Variants in GRIK3 observed in about 807,000 individuals in gnomAD.
GRIK3 encodes glutamate receptor ionotropic, kainate 3.
GRIK3 carries 29 observed loss-of-function variants against 102.5 expected under a neutral mutation model. The observed-to-expected ratio is 0.28, with a 90% confidence interval of 0.21 to 0.39. GRIK3 has a LOEUF of 0.39. Among genes scored for constraint, GRIK3 ranks in the 10% least tolerant of loss-of-function variants. The pLI is 1.00. For synonymous variants in GRIK3, 511 were observed against 504.9 expected, an observed-to-expected ratio of 1.01 and a Z score of -0.16; for missense variants, 908 against 1,252.4, an observed-to-expected ratio of 0.73 and a Z score of 4.15.
At chr1:36,808,768 G>T (rs575064988) in intron 13 of GRIK3, among the ~76,000 whole-genome samples, 1 of 152,204 alleles carries the variant, frequency 6.6e-6, no homozygotes, top group Non-Finnish European at 1.5e-5. Flanking sequence ...TTTAAAACAT[G>T]AAGTTTCGGG....
intron 1 of GRIK3, among the ~76,000 whole-genome samples, chr1:36,991,546 T>C (rs138833137): frequency 6.6e-6 from 1 of 152,088 alleles, no homozygotes; most frequent in Non-Finnish European, 1.5e-5. Context: ...ATTTTACAGA[T>C]GAAATCAGGC....
chr1:36,887,225 C>G (rs1177255478), intron 2 of GRIK3, among the ~76,000 whole-genome samples: 1 of 152,126 alleles, frequency 6.6e-6, no homozygotes, highest in African/African-American at 2.4e-5. Context: ...AAAGATAAAA[C>G]AACAGCATTT....
intron 9 of GRIK3, among the ~76,000 whole-genome samples, chr1:36,846,350 C>T (rs954071273): frequency 1.1e-4 from 16 of 152,150 alleles, no homozygotes; most frequent in African/African-American, 3.6e-4. Context: ...TAGCACCTAA[C>T]GCTGGGGGTT....
Position 36,805,170 on chromosome 1 carries a change from G to A in GRIK3, c.2382C>T (p.Ile794=), listed in dbSNP as rs1260605103. The stretch of plus-strand genomic sequence containing the variant: ...TGCCCCGCCACCACTTCTCCTTCAT[G>A]ATATGCAGCTTGTCCTCCTCCTGAA... ...LQLQEEDKLH[I]MKEKWWRGSG... is the part of the protein sequence containing the mutation. The change falls in exon 15 of 16, where the codon ATC becomes ATT. Residue 794 remains isoleucine (I), a synonymous_variant. Coordinates refer to ENST00000373091, the MANE Select transcript of GRIK3 (RefSeq NM_000831.4). 1 of 1,614,156 alleles carries A rather than the reference G, an allele frequency of 6.2e-7. No homozygotes were observed. Among genetic ancestry groups the A allele is most frequent in the Admixed American group, 1.7e-5 (1 of 60,026 alleles).
intron 13 of GRIK3, among the ~76,000 whole-genome samples, chr1:36,809,352 T>C (rs1424932857): frequency 6.6e-6 from 1 of 152,062 alleles, no homozygotes; most frequent in Non-Finnish European, 1.5e-5. Context: ...TTTATCCATC[T>C]ATCCAACCAT....
intron 5 of GRIK3, among the ~76,000 whole-genome samples, chr1:36,864,684 GGGT>G (rs1640763459): frequency 6.6e-6 from 1 of 152,190 alleles, no homozygotes; most frequent in African/African-American, 2.4e-5. Context: ...GGGCAGGTTG[GGGT>G]GGTAGTGATT....
chr1:36,848,360 T>C (rs1640542776), intron 9 of GRIK3, among the ~76,000 whole-genome samples: 1 of 152,182 alleles, frequency 6.6e-6, no homozygotes, highest in Non-Finnish European at 1.5e-5. Flanking sequence ...TAGTTTTACC[T>C]TTTTTTAATC....
intron 1 of GRIK3, among the ~76,000 whole-genome samples, chr1:37,020,880 A>T (rs531341207): frequency 6.6e-5 from 10 of 152,212 alleles, no homozygotes; most frequent in Non-Finnish European, 1.2e-4. Context: ...GTGGTGCTGA[A>T]CACAGAGGTT....
At chr1:36,827,724 G>A (rs1052520701) in intron 10 of GRIK3, among the ~76,000 whole-genome samples, 87 of 152,300 alleles carry the variant, frequency 5.7e-4, no homozygotes, top group Middle Eastern at 6.8e-3. Flanking sequence ...CAGATGTCAA[G>A]GAGGGAAGCG....
intron 13 of GRIK3, among the ~76,000 whole-genome samples, chr1:36,807,067 A>C (rs1165302778): frequency 6.6e-6 from 1 of 151,992 alleles, no homozygotes; most frequent in Non-Finnish European, 1.5e-5. Flanking sequence ...AGGGGGAGAA[A>C]AGTAAGGGCA....
chr1:36,954,268 C>T (rs1240119679), intron 1 of GRIK3, among the ~76,000 whole-genome samples: 1 of 152,218 alleles, frequency 6.6e-6, no homozygotes, highest in Admixed American at 6.5e-5. Context: ...TGCCACTGCA[C>T]TAGCCTAAGA....
chr1:37,007,671 T>C (rs187544756), intron 1 of GRIK3, among the ~76,000 whole-genome samples: 2 of 152,318 alleles, frequency 1.3e-5, no homozygotes, highest in East Asian at 1.9e-4. Flanking sequence ...CTAGGCACTT[T>C]TGAGGCGTTT....
intron 1 of GRIK3, among the ~76,000 whole-genome samples, chr1:36,917,728 A>C (rs780787284): frequency 6.6e-6 from 1 of 152,226 alleles, no homozygotes; most frequent in South Asian, 2.1e-4. Flanking sequence ...TTCTTTTGCA[A>C]ATTGCCCAGT....
rs994099211 is a variant in GRIK3 at position 36,797,583 on chromosome 1, A to G, written c.*4268T>C. On this transcript the variant is annotated 3_prime_UTR_variant, in exon 16 of 16. Coordinates refer to ENST00000373091, the MANE Select transcript of GRIK3 (RefSeq NM_000831.4). ...CCACAGAGTTGGGCTCATTTCTTGTATCTGTCCATGAGGCTGGGCCCATCC... is the reference window on the plus strand; with the variant it reads ...CCACAGAGTTGGGCTCATTTCTTGTGTCTGTCCATGAGGCTGGGCCCATCC... The G allele has an allele frequency of 2.4e-4, 36 of 152,288 alleles. No homozygotes were observed. The highest frequency in any genetic ancestry group is 8.7e-4 in the African/African-American group (36 of 41,568). The allele number at this position is 152,288 out of a possible 1,614,324, so 9.4% of individuals were successfully genotyped here. A position where few individuals can be genotyped will look rare whatever the true frequency, so the allele number is the denominator to read the frequency against.
rs1640610372 is a variant in GRIK3 at position 36,853,633 on chromosome 1, T to C, written c.1194A>G (p.Lys398=). 1.9e-6 allele frequency: 3 copies of C among 1,612,448 alleles called. No individual in the cohort carries two copies. The South Asian group carries it at 3.3e-5, about 18-fold the overall frequency. The part of the protein sequence containing the change: ...TDFDLDIISL[K]EDGLEKVGVW... The stretch of plus-strand genomic sequence containing the variant: ...CACGCACCTTCTCCAGGCCATCCTC[T>C]TTCAGGCTGATGATGTCCAGATCAA... The change falls in exon 8 of 16, where the codon AAA becomes AAG. Residue 398 remains lysine (K), a synonymous_variant. Transcript: ENST00000373091.
intron 1 of GRIK3, among the ~76,000 whole-genome samples, chr1:37,012,403 G>A (rs557581189): frequency 6.6e-6 from 1 of 152,256 alleles, no homozygotes; most frequent in African/African-American, 2.4e-5. Context: ...TGGCTGAAGA[G>A]GAAAAAAGAT....
At chr1:37,032,849 T>C (rs1305344686) in intron 1 of GRIK3, among the ~76,000 whole-genome samples, 1 of 152,108 alleles carries the variant, frequency 6.6e-6, no homozygotes, top group Non-Finnish European at 1.5e-5. Flanking sequence ...AAATCTCAAG[T>C]ACGGAAACCA....
At chr1:36,828,616 A>G (rs1375233827) in intron 10 of GRIK3, among the ~76,000 whole-genome samples, 38 of 152,122 alleles carry the variant, frequency 2.5e-4, no homozygotes, top group Non-Finnish European at 1.5e-5. Flanking sequence ...GCCTAATGAC[A>G]TTTCTCAGAA....
At chr1:36,809,899 G>A (rs1232919183) in intron 13 of GRIK3, among the ~76,000 whole-genome samples, 1 of 152,156 alleles carries the variant, frequency 6.6e-6, no homozygotes, top group Non-Finnish European at 1.5e-5. Flanking sequence ...ATTTTAAGAG[G>A]TTCCTGGTTC....
Sources: gnomAD v4.1 joint callset for allele counts (sites outside exome capture counted in the v4.1 genomes callset) on GRCh38, gnomAD v4.1.1 for gene constraint, MANE v1.5 for transcripts, NCBI Gene and HGNC (gene_info 2026-07-23, HGNC 2026-07-21) for gene names.